Variants in VEPH1 observed in about 807,000 individuals in gnomAD.
VEPH1 encodes ventricular zone expressed PH domain containing 1, also known as ventricular zone-expressed PH domain-containing protein homolog 1.
In VEPH1, 80 loss-of-function variants were observed where a neutral mutation model predicts 85.2. The observed-to-expected ratio is 0.94, with a 90% CI of 0.78 to 1.13. The LOEUF (loss-of-function observed/expected upper bound fraction) is 1.13, where lower values mean the gene tolerates loss of function less well. Ranked by LOEUF, VEPH1 falls within the 50% of genes most tolerant of loss-of-function variation. VEPH1 has a pLI of 0.00. For missense variants in VEPH1, 955 were observed against 980.5 expected (o/e 0.97, Z 0.35); for synonymous variants, 297 against 348.0 (o/e 0.85, Z 1.63).
chr3:157,264,534 A>G (rs1488222919), intron 13 of VEPH1, among the ~76,000 whole-genome samples: 2 of 152,212 alleles, frequency 1.3e-5, no homozygotes, highest in Admixed American at 6.5e-5. Context: ...TTAAGTATAC[A>G]TGGGAAGCAG....
chr3:157,330,073 A>T (rs2108596281), intron 9 of VEPH1, among the ~76,000 whole-genome samples: 1 of 152,284 alleles, frequency 6.6e-6, no homozygotes, highest in East Asian at 1.9e-4. Flanking sequence ...AATAGACAGG[A>T]TTGCAATGGA....
chr3:157,294,569 C>G (rs1717899563), intron 11 of VEPH1, among the ~76,000 whole-genome samples: 1 of 152,332 alleles, frequency 6.6e-6, no homozygotes, highest in East Asian at 1.9e-4. Context: ...TTAGTGTGGG[C>G]ACCAAGGGTG....
rs1490698404 is a variant in VEPH1 at position 157,299,580 on chromosome 3, AG to A, written c.2011-12907del. Among the ~76,000 whole-genome samples, 513 of 144,326 alleles carry A rather than the reference AG, an allele frequency of 3.6e-3. 7 individuals carry two copies. The highest frequency in any genetic ancestry group is 0.013 in the African/African-American group (488 of 38,952). The allele number at this position is 144,326 out of a possible 152,430, so 94.7% of individuals were successfully genotyped here. The stretch of plus-strand genomic sequence containing the variant: ...GTCTCAAAAAAAAAAAAAAAAAAAA[AG>A]AAAGAAAGAAAGAAACCTTTATCAT... On this transcript the variant is annotated intron_variant, in intron 11 of 13. Transcript: ENST00000362010.
At chr3:157,317,967 TA>T (rs1452189304) in intron 9 of VEPH1, among the ~76,000 whole-genome samples, 1 of 152,234 alleles carries the variant, frequency 6.6e-6, no homozygotes, top group Non-Finnish European at 1.5e-5. Context: ...AGATGGGTAT[TA>T]TTTCTGTTAT....
intron 6 of VEPH1, among the ~76,000 whole-genome samples, chr3:157,396,797 T>G (rs974505870): frequency 1.3e-5 from 2 of 152,206 alleles, no homozygotes; most frequent in Non-Finnish European, 2.9e-5. Context: ...TTGTTTGTTT[T>G]TTTTTCTTGT....
chr3:157,469,987 T>C (rs1019067018), intron 3 of VEPH1, among the ~76,000 whole-genome samples: 1 of 152,186 alleles, frequency 6.6e-6, no homozygotes, highest in African/African-American at 2.4e-5. Context: ...GAAAGAGATC[T>C]CCTCTTCTGA....
In VEPH1 at chr3:157,270,900, C is replaced by T. The variant is rs1412910807; in HGVS notation, c.2129-5238G>A. 2.6e-5 allele frequency among the ~76,000 whole-genome samples: 4 copies of T among 151,538 alleles called. No individual in the cohort carries two copies. The East Asian group carries it at 7.8e-4, about 30-fold the overall frequency. ...TTACAGCATTTGAAGAGCAGAAATT[C>T]CACTTCTAGTTGAGACAAGGTGACA... On this transcript the variant is annotated intron_variant, in intron 12 of 13. Transcript: ENST00000362010.
At chr3:157,269,642 G>GTTTTTTTTTTTTTTTTTTGT (rs1714266502) in intron 12 of VEPH1, among the ~76,000 whole-genome samples, 1 of 115,456 alleles carries the variant, frequency 8.7e-6, no homozygotes, top group Non-Finnish European at 1.7e-5. Context: ...TGTTTTTGTT[G>GTTTTTTTTTTTTTTTTTTGT]TTTTTTTTTT....
chr3:157,317,481 A>G (rs1720870412), intron 9 of VEPH1, among the ~76,000 whole-genome samples: 1 of 152,228 alleles, frequency 6.6e-6, no homozygotes, highest in African/African-American at 2.4e-5. Flanking sequence ...AATGGGAGAT[A>G]CTATATCATT....
At chr3:157,484,458 CA>C (rs1442206038) in intron 2 of VEPH1, among the ~76,000 whole-genome samples, 5 of 152,080 alleles carry the variant, frequency 3.3e-5, no homozygotes, top group African/African-American at 1.2e-4. Context: ...CATGCCACTG[CA>C]CTTGCTGAAG....
chr3:157,418,720 G>C (rs1235472709), intron 5 of VEPH1, among the ~76,000 whole-genome samples: 1 of 152,128 alleles, frequency 6.6e-6, no homozygotes, highest in African/African-American at 2.4e-5. Context: ...CATGCTCATA[G>C]ATAGAAAGAA....
intron 13 of VEPH1, among the ~76,000 whole-genome samples, chr3:157,264,076 C>T (rs2108241748): frequency 6.6e-6 from 1 of 152,330 alleles, no homozygotes; most frequent in South Asian, 2.1e-4. Context: ...CCATGCTCCC[C>T]ATTGTGGGTG....
chr3:157,330,937 C>T (rs73018221), intron 9 of VEPH1, among the ~76,000 whole-genome samples: 2 of 152,126 alleles, frequency 1.3e-5, no homozygotes, highest in Non-Finnish European at 1.5e-5. Context: ...CTGGTGGGAC[C>T]CACCCCATCC....
intron 9 of VEPH1, among the ~76,000 whole-genome samples, chr3:157,318,798 G>A (rs761171204): frequency 1.3e-5 from 2 of 152,088 alleles, no homozygotes; most frequent in Non-Finnish European, 2.9e-5. Context: ...GTTAATACTA[G>A]CTACTTGGGA....
chr3:157,447,344 T>C (rs946477412), intron 4 of VEPH1, among the ~76,000 whole-genome samples: 55 of 151,606 alleles, frequency 3.6e-4, no homozygotes, highest in Admixed American at 3.5e-3. Flanking sequence ...CATATGTGCA[T>C]TGTCTTTTCA....
chr3:157,372,213 C>T (rs1431065120), intron 7 of VEPH1, among the ~76,000 whole-genome samples: 3 of 152,142 alleles, frequency 2.0e-5, no homozygotes, highest in Non-Finnish European at 4.4e-5. Flanking sequence ...CTATTTGATA[C>T]ATCTTCTCAT....
Position 157,340,609 on chromosome 3 carries a change from C to CT in VEPH1, c.1735+22754dup, listed in dbSNP as rs559294311. ...CTCCACCTCTGGAGGCAGGGCATAG[C>CT]TGAACAAAAGGGAGCAGAAACTTCT... On this transcript the variant is annotated intron_variant, in intron 9 of 13. Transcript: ENST00000362010. Among the ~76,000 whole-genome samples, 657 of 152,320 alleles carry CT rather than the reference C, an allele frequency of 4.3e-3. 1 individual carries two copies. Among genetic ancestry groups the CT allele is most frequent in the Admixed American group, 6.7e-3 (102 of 15,306 alleles).
intron 10 of VEPH1, chr3:157,316,109 A>G (rs1396117498): frequency 3.3e-5 from 5 of 152,058 alleles, no homozygotes; most frequent in African/African-American, 1.2e-4. Context: ...CTACTTTATT[A>G]TTATAATGTA....
intron 6 of VEPH1, among the ~76,000 whole-genome samples, chr3:157,396,066 T>C (rs1303834580): frequency 6.6e-6 from 1 of 152,188 alleles, no homozygotes; most frequent in Non-Finnish European, 1.5e-5. Flanking sequence ...CATTATCTAT[T>C]CTTTCTGATG....
Sources: gnomAD v4.1 joint callset for allele counts (sites outside exome capture counted in the v4.1 genomes callset) on GRCh38, gnomAD v4.1.1 for gene constraint, MANE v1.5 for transcripts, NCBI Gene and HGNC (gene_info 2026-07-23, HGNC 2026-07-21) for gene names.